ZFYVE26: variants seen among roughly 807,000 people sequenced by gnomAD.
The protein encoded by ZFYVE26 is zinc finger FYVE-type containing 26.
In ZFYVE26, 181 loss-of-function variants were observed where a neutral mutation model predicts 276.5. That is an observed-to-expected ratio of 0.65 (90% confidence interval 0.58 to 0.74). ZFYVE26 has a LOEUF of 0.74. ZFYVE26 is among the 30% of genes least tolerant of loss of function. The pLI, the probability that ZFYVE26 is intolerant of heterozygous loss-of-function variation, is 0.00. For missense variants in ZFYVE26, 2,821 were observed against 3,097.9 expected (o/e 0.91, Z 2.12); for synonymous variants, 1,129 against 1,203.1 (o/e 0.94, Z 1.27).
Position 67,766,229 on chromosome 14 carries a change from G to T in ZFYVE26, c.6009C>A (p.Asp2003Glu). ...AGQSQDLALC[D>E]SYISKVDVLN... ...AATAGAGACCCACTGCCCTCTACCT[G>T]TCACAAAGAGCCAAGTCTTGGCTCT... The change falls in exon 32 of 42, where the codon GAC becomes GAA. Residue 2003 changes from aspartate to glutamate, a missense_variant and splice_region_variant. Transcript: ENST00000347230. The T allele has an allele frequency of 6.2e-7, 1 of 1,613,990 alleles. No homozygotes were observed. The highest frequency in any genetic ancestry group is 8.5e-7 in the Non-Finnish European group (1 of 1,180,026).
Position 67,807,529 on chromosome 14 carries a change from C to G in ZFYVE26, c.755G>C (p.Ser252Thr), listed in dbSNP as rs1261049612. Residue 252 changes from serine (S) to threonine (T), a missense_variant, in exon 5 of 42, where the codon AGT becomes ACT. Transcript: ENST00000347230. ...GAGCAGCCGCTCCTCCCGCAGGGGACTCCCCTCGGTCCTGCAGGCCTCTAG... is the reference window on the plus strand; with the variant it reads ...GAGCAGCCGCTCCTCCCGCAGGGGAGTCCCCTCGGTCCTGCAGGCCTCTAG... ...ELLEACRTEGSPLREERLLSC... is the reference protein window; with the variant it reads ...ELLEACRTEGTPLREERLLSC... 1.2e-6 allele frequency: 2 copies of G among 1,614,102 alleles called. No individual in the cohort carries two copies. The highest frequency in any genetic ancestry group is 1.3e-5 in the African/African-American group (1 of 74,942).
intron 28 of ZFYVE26, 73 bp downstream of exon 28, chr14:67,771,974 A>T: frequency 6.4e-7 from 1 of 1,567,842 alleles, no homozygotes; most frequent in Non-Finnish European, 8.7e-7. Flanking sequence ...CGGTGATTGT[A>T]AACTCAGGCT....
Position 67,790,773 on chromosome 14 carries a change from C to T in ZFYVE26, c.2554G>A (p.Val852Met). Residue 852 changes from valine to methionine, a missense_variant and splice_region_variant, in exon 15 of 42, where the codon GTG becomes ATG. By Grantham distance (21) the Val-to-Met change is conservative. Coordinates refer to ENST00000347230, the MANE Select transcript of ZFYVE26 (RefSeq NM_015346.4). ...GACTTCAGGTTGAACGTGAACAGCA[C>T]CTGTCATAGGAGAGGGAGTGTGTGG... ...LRGNFAEAHQ[V>M]LFTFNLKSSP... 2.5e-6 allele frequency: 4 copies of T among 1,613,886 alleles called. No individual in the cohort carries two copies. The highest frequency in any genetic ancestry group is 3.4e-6 in the Non-Finnish European group (4 of 1,179,882).
chr14:67,803,504 G>T (rs547791953), intron 9 of ZFYVE26, among the ~76,000 whole-genome samples: 1 of 152,074 alleles, frequency 6.6e-6, no homozygotes, highest in African/African-American at 2.4e-5. Context: ...ACCACACCCG[G>T]CTAATTTTTT....
chr14:67,814,660 C>G (rs1375597910), intron 2 of ZFYVE26, among the ~76,000 whole-genome samples: 1 of 152,150 alleles, frequency 6.6e-6, no homozygotes, highest in Non-Finnish European at 1.5e-5. Context: ...ACCATAATAG[C>G]TAATACTATC....
rs2140232345 is a variant in ZFYVE26 at position 67,789,408 on chromosome 14, G to A, written c.2946C>T (p.Cys982=). 6.2e-7 allele frequency: 1 copy of A among 1,614,198 alleles called. No homozygotes were observed. The highest frequency in any genetic ancestry group is 8.5e-7 in the Non-Finnish European group (1 of 1,180,038). The part of the protein sequence containing the change: ...MAAFDLACSQ[C]QLWKTCKQLL... ...GCTGCTTGCAGGTTTTCCAGAGCTG[G>A]CACTGAGAGCAAGCTAGGTCAAATG... Residue 982 remains cysteine, a synonymous_variant, in exon 16 of 42, where the codon TGC becomes TGT. Coordinates refer to ENST00000347230, the MANE Select transcript of ZFYVE26 (RefSeq NM_015346.4).
chr14:67,778,526 C>T (rs1339218089), intron 23 of ZFYVE26, among the ~76,000 whole-genome samples: 1 of 152,182 alleles, frequency 6.6e-6, no homozygotes, highest in Non-Finnish European at 1.5e-5. Context: ...GACATAGTCA[C>T]CCATGCTATA....
chr14:67,763,259 T>C lies in ZFYVE26; in HGVS notation c.6012-440A>G, dbSNP rs1255716033. Among the ~76,000 whole-genome samples the C allele has an allele frequency of 5.3e-5, 8 of 152,342 alleles. No homozygotes were observed. In the East Asian group the frequency reaches 1.5e-3, roughly 29 times the overall value. ...GCATAGATGTCATGAGTGAAAGCTC[T>C]GGAGTCACACTGAATTATGGCTCTA... On this transcript the variant is annotated intron_variant, in intron 32 of 41. Transcript: ENST00000347230.
intron 15 of ZFYVE26, 79 bp from the exon 16 acceptor site, chr14:67,789,677 T>TAAG: frequency 6.3e-7 from 1 of 1,587,348 alleles, no homozygotes; most frequent in East Asian, 2.2e-5. Flanking sequence ...AAGTAGTTAC[T>TAAG]TTCAAAATGT....
At position 67,729,281 on chromosome 14, in the gene ZFYVE26, T is replaced by C. The variant is rs1318963464; in HGVS notation, n.3218A>G. 3 of 1,605,644 alleles carry C rather than the reference T, an allele frequency of 1.9e-6. No homozygotes were observed. The highest frequency in any genetic ancestry group is 1.7e-5 in the Admixed American group (1 of 60,000). The stretch of plus-strand genomic sequence containing the variant: ...TCCCTGCTCTGCCTGCTCTGGCGGC[T>C]CTTCTCCCCCTTTGTCAAGACGGCA... On this transcript the variant is annotated non_coding_transcript_exon_variant, in exon 14 of 15. Coordinates refer to the ZFYVE26 transcript ENST00000394455.
rs781144742 is a variant in ZFYVE26, at chr14:67,762,379, C to A, written c.6193G>T (p.Ala2065Ser). ...STKTGLDTTG[A>S]WHAWGMACLK... The stretch of plus-strand genomic sequence containing the variant: ...CAGGCCATGCCCCAAGCATGCCACG[C>A]CCCGGTGGTATCAAGCCCAGTCTTT... Residue 2065 changes from alanine to serine, a missense_variant, in exon 34 of 42, where the codon GCG becomes TCG. Physicochemically the swap from Ala to Ser is moderately conservative, Grantham distance 99. Transcript: ENST00000347230. 47 of 1,614,006 alleles carry A rather than the reference C, an allele frequency of 2.9e-5. No homozygotes were observed. Among genetic ancestry groups the A allele is most frequent in the Middle Eastern group, 3.3e-4 (2 of 6,080 alleles).
At chr14:67,732,779 C>T (rs1465817779) in intron 13 of ZFYVE26, among the ~76,000 whole-genome samples, 1 of 152,088 alleles carries the variant, frequency 6.6e-6, no homozygotes, top group Non-Finnish European at 1.5e-5. Context: ...CAGGGTTTCG[C>T]CTTGTTGGCC....
intron 16 of ZFYVE26, among the ~76,000 whole-genome samples, chr14:67,787,834 T>C (rs950897119): frequency 6.6e-6 from 1 of 152,196 alleles, no homozygotes; most frequent in Admixed American, 6.5e-5. Flanking sequence ...TGGAGGGGTG[T>C]ATAGAAAAGA....
At chr14:67,761,679 A>C in intron 34 of ZFYVE26, 95 bp from the exon 35 acceptor site, 2 of 1,074,672 alleles carry the variant, frequency 1.9e-6, no homozygotes, top group Non-Finnish European at 2.8e-6. Context: ...AACAATGTGC[A>C]CACCAACATG....
intron 27 of ZFYVE26, among the ~76,000 whole-genome samples, chr14:67,773,012 G>A (rs1297653351): frequency 6.6e-6 from 1 of 152,164 alleles, no homozygotes; most frequent in Non-Finnish European, 1.5e-5. Flanking sequence ...GCCATGCCAT[G>A]TATGGACATT....
intron 35 of ZFYVE26, among the ~76,000 whole-genome samples, chr14:67,757,657 T>TCTTTCTTA (rs1371587317): frequency 3.0e-5 from 1 of 33,736 alleles, no homozygotes; most frequent in Non-Finnish European, 8.9e-5. Context: ...TTTCTTTCTT[T>TCTTTCTTA]CTTTCTTTCT....
At chr14:67,767,124 T>C (rs1041012549) in intron 31 of ZFYVE26, among the ~76,000 whole-genome samples, 7 of 151,398 alleles carry the variant, frequency 4.6e-5, no homozygotes, top group African/African-American at 1.7e-4. Context: ...CCTAGAGGAG[T>C]TTCTGCTTTA....
chr14:67,766,763 G>A (rs928842600), intron 31 of ZFYVE26, among the ~76,000 whole-genome samples: 13 of 152,200 alleles, frequency 8.5e-5, no homozygotes, highest in East Asian at 5.8e-4. Flanking sequence ...GCATTGGTGC[G>A]ATCTCGGCTC....
chr14:67,815,721 C>T (rs2040387538), intron 2 of ZFYVE26, 49 bp downstream of exon 2: 1 of 1,590,268 alleles, frequency 6.3e-7, no homozygotes, highest in Non-Finnish European at 8.6e-7. Context: ...AATATTGAAC[C>T]ACATGTCTCT....
Sources: allele counts gnomAD v4.1 joint callset (sites outside exome capture counted in the v4.1 genomes callset), GRCh38; gene constraint gnomAD v4.1.1; transcripts MANE v1.5; gene names NCBI Gene and HGNC (gene_info 2026-07-23, HGNC 2026-07-21).